Variants in PCMTD1 observed in about 807,000 individuals in gnomAD.
PCMTD1 encodes protein-L-isoaspartate O-methyltransferase domain-containing protein 1.
A neutral mutation model predicts 37.6 loss-of-function variants in PCMTD1; 12 were observed. The observed-to-expected ratio is 0.32, with a 90% CI of 0.20 to 0.52. The LOEUF (loss-of-function observed/expected upper bound fraction) is 0.52. Among genes scored for constraint, PCMTD1 ranks in the 20% least tolerant of loss-of-function variants. The probability of loss-of-function intolerance (pLI) is 0.97; values close to 1 mark genes in which losing one functional copy is unlikely to be tolerated. For synonymous variants in PCMTD1, 117 were observed against 135.8 expected (o/e 0.86, Z 0.96); for missense variants, 235 against 421.3 (o/e 0.56, Z 3.87).
chr8:51,848,374 G>A (rs959279701), intron 2 of PCMTD1, among the ~76,000 whole-genome samples: 17 of 152,014 alleles, frequency 1.1e-4, no homozygotes, highest in South Asian at 4.2e-4. Context: ...GCATAGATAC[G>A]AGATCAATTA....
At chr8:51,892,804 TG>T (rs1338828329) in intron 1 of PCMTD1, among the ~76,000 whole-genome samples, 6 of 152,182 alleles carry the variant, frequency 3.9e-5, no homozygotes, top group Non-Finnish European at 5.9e-5. Flanking sequence ...CTCATCTTTA[TG>T]TAAGTGGAAA....
intron 1 of PCMTD1, among the ~76,000 whole-genome samples, chr8:51,889,992 T>A (rs2038915251): frequency 9.2e-6 from 1 of 108,724 alleles, no homozygotes. Context: ...ACTGAACAAG[T>A]CCTTAACAAA....
intron 1 of PCMTD1, among the ~76,000 whole-genome samples, chr8:51,879,051 G>C (rs2038755308): frequency 6.6e-6 from 1 of 152,020 alleles, no homozygotes; most frequent in Non-Finnish European, 1.5e-5. Flanking sequence ...GCTTGAGCCT[G>C]GGAGGTCAAG....
chr8:51,890,326 C>T (rs1268732316), intron 1 of PCMTD1, among the ~76,000 whole-genome samples: 1 of 152,156 alleles, frequency 6.6e-6, no homozygotes, highest in Admixed American at 6.5e-5. Flanking sequence ...CACTGCTAGG[C>T]TTTTCCTTGA....
intron 1 of PCMTD1, among the ~76,000 whole-genome samples, chr8:51,862,583 C>A (rs2038489901): frequency 6.6e-6 from 1 of 152,132 alleles, no homozygotes; most frequent in Non-Finnish European, 1.5e-5. Flanking sequence ...ATACCCATGG[C>A]CAGTAACAAG....
chr8:51,896,437 C>T (rs766778696), intron 1 of PCMTD1: 15 of 152,020 alleles, frequency 9.9e-5, no homozygotes, highest in Non-Finnish European at 1.8e-4. Context: ...GGTATTCTTT[C>T]CAGCACACTA....
chr8:51,862,645 G>C (rs943196870), intron 1 of PCMTD1, among the ~76,000 whole-genome samples: 1 of 152,150 alleles, frequency 6.6e-6, no homozygotes, highest in Non-Finnish European at 1.5e-5. Flanking sequence ...TGACCATAGA[G>C]AAGTATACCA....
intron 2 of PCMTD1, among the ~76,000 whole-genome samples, chr8:51,848,253 A>G (rs76813841): frequency 0.12 from 17,694 of 151,268 alleles, 1,261 homozygotes; most frequent in East Asian, 0.17. Context: ...TGCCACTACA[A>G]TCCGGGCTGG....
At chr8:51,847,663 CTTAACA>C (rs1318221747) in intron 2 of PCMTD1, among the ~76,000 whole-genome samples, 1 of 152,090 alleles carries the variant, frequency 6.6e-6, no homozygotes, top group Non-Finnish European at 1.5e-5. Context: ...ACTACACTTA[CTTAACA>C]TTATGTACAT....
chr8:51,818,801 T>C lies in PCMTD1; in HGVS notation c.*1550A>G, dbSNP rs1469580276. On this transcript the variant is annotated 3_prime_UTR_variant, in exon 6 of 6. Transcript: ENST00000522514. ...CACAAACATTTGTTTTTAGATGTTGTGGAATTACTGGAGCTGAGATTTCTG... is the reference window on the plus strand; with the variant it reads ...CACAAACATTTGTTTTTAGATGTTGCGGAATTACTGGAGCTGAGATTTCTG... 6.6e-6 allele frequency: 1 copy of C among 152,312 alleles called. No individual in the cohort carries two copies. Among genetic ancestry groups the C allele is most frequent in the Non-Finnish European group, 1.5e-5 (1 of 68,062 alleles). The allele number at this position is 152,312 out of a possible 1,614,324, so 9.4% of individuals were successfully genotyped here.
chr8:51,820,818 T>G, intron 5 of PCMTD1, 100 bp from the exon 6 acceptor site: 1 of 1,297,148 alleles, frequency 7.7e-7, no homozygotes, highest in Middle Eastern at 2.3e-4. Flanking sequence ...TTAGCATATT[T>G]TAGAAAATAC....
intron 2 of PCMTD1, among the ~76,000 whole-genome samples, chr8:51,855,011 C>T (rs991240064): frequency 1.3e-5 from 2 of 149,072 alleles, no homozygotes; most frequent in Admixed American, 1.3e-4. Flanking sequence ...TCTGTCTCTA[C>T]TAAAAATACA....
chr8:51,858,906 C>T (rs887637069), intron 2 of PCMTD1, among the ~76,000 whole-genome samples: 5 of 152,116 alleles, frequency 3.3e-5, no homozygotes, highest in Admixed American at 1.3e-4. Flanking sequence ...TTGCCCATGT[C>T]GTGATTAAGA....
chr8:51,877,392 G>C (rs1010973318), intron 1 of PCMTD1, among the ~76,000 whole-genome samples: 2 of 152,120 alleles, frequency 1.3e-5, no homozygotes, highest in Non-Finnish European at 1.5e-5. Context: ...TGCTGAGAAA[G>C]GTAAAAACGC....
intron 5 of PCMTD1, among the ~76,000 whole-genome samples, chr8:51,828,334 GA>G (rs1449503374): frequency 6.6e-6 from 1 of 152,154 alleles, no homozygotes; most frequent in Non-Finnish European, 1.5e-5. Flanking sequence ...CTAGGAAGGA[GA>G]AAACAGTTTT....
intron 1 of PCMTD1, among the ~76,000 whole-genome samples, chr8:51,869,757 G>A (rs1450157145): frequency 1.3e-5 from 2 of 152,152 alleles, no homozygotes; most frequent in African/African-American, 4.8e-5. Context: ...AACTTAAGCA[G>A]TTACAGAGTT....
At chr8:51,883,701 TA>T (rs548398072) in intron 1 of PCMTD1, among the ~76,000 whole-genome samples, 16 of 152,152 alleles carry the variant, frequency 1.1e-4, no homozygotes, top group Non-Finnish European at 1.8e-4. Context: ...TAGGCTAGCA[TA>T]AGGTTACAAG....
Position 51,849,962 on chromosome 8 carries a change from T to C in PCMTD1, c.308-4199A>G, listed in dbSNP as rs552199593. 8.0e-5 allele frequency: 53 copies of C among 665,344 alleles called. No individual in the cohort carries two copies. The East Asian group carries it at 1.4e-3, about 18-fold the overall frequency. 41.2% of individuals were successfully genotyped at this position (665,344 alleles called of 1,614,324 possible). The stretch of plus-strand genomic sequence containing the variant: ...TGAATGAAGTTCACTGTGCCTTTAG[T>C]ATTTTGTGTAAAGCTAACTTACAGA... On this transcript the variant is annotated intron_variant, in intron 2 of 5. Transcript: ENST00000522514.
chr8:51,876,095 T>C (rs936958130), intron 1 of PCMTD1, among the ~76,000 whole-genome samples: 3 of 147,212 alleles, frequency 2.0e-5, no homozygotes, highest in Admixed American at 7.0e-5. Flanking sequence ...GTCGCTTCTA[T>C]TACTTAATAC....
Sources: allele counts gnomAD v4.1 joint callset (sites outside exome capture counted in the v4.1 genomes callset), GRCh38; gene constraint gnomAD v4.1.1; transcripts MANE v1.5; gene names NCBI Gene and HGNC (gene_info 2026-07-23, HGNC 2026-07-21).